The following GLOD4 variants were observed in gnomAD, a reference collection of about 807,000 sequenced individuals.
GLOD4 encodes the protein glyoxalase domain containing 4, also known as glyoxalase domain-containing protein 4.
In GLOD4, 44 loss-of-function variants were observed where a neutral mutation model predicts 39.1. The observed-to-expected ratio is 1.13, with a 90% CI of 0.88 to 1.45. The LOEUF is 1.45. Ranked by LOEUF, GLOD4 falls within the 40% of genes most tolerant of loss-of-function variation. The pLI is 0.00. For missense variants in GLOD4, 405 were observed against 366.4 expected (o/e 1.11, Z -0.86); for synonymous variants, 145 against 135.0 (o/e 1.07, Z -0.52).
chr17:780,515 G>T (rs557804525), intron 1 of GLOD4: 1 of 152,236 alleles, frequency 6.6e-6, no homozygotes, highest in East Asian at 1.9e-4. Context: ...TCTACCTGTG[G>T]ATATCCTATC....
chr17:759,880 C>T lies in GLOD4; in HGVS notation c.*293G>A, dbSNP rs1299023532. 2.9e-6 allele frequency: 1 copy of T among 344,266 alleles called. No individual in the cohort carries two copies. The highest frequency in any genetic ancestry group is 5.3e-6 in the Non-Finnish European group (1 of 189,460). The allele number at this position is 344,266 out of a possible 1,614,324, so 21.3% of individuals were successfully genotyped here. On this transcript the variant is annotated 3_prime_UTR_variant, in exon 9 of 9. Transcript: ENST00000301329. The stretch of plus-strand genomic sequence containing the variant: ...CCCAACCAAAGTCATGTTCATGCCG[C>T]TGTCCTAGTCTGGACAATCATCTGT...
rs2144238384 is a variant in GLOD4, at chr17:759,786, G to A, written c.*387C>T. On this transcript the variant is annotated 3_prime_UTR_variant, in exon 9 of 9. Transcript: ENST00000301329. ...AATGGCACCACGACAAGGCATTAAT[G>A]TGGATTCACTTGCACAGCTGCTCTC... 1.2e-5 allele frequency: 2 copies of A among 171,818 alleles called. No individual in the cohort carries two copies. The highest frequency in any genetic ancestry group is 2.6e-3 in the Middle Eastern group (1 of 392). 10.6% of individuals were successfully genotyped at this position (171,818 alleles called of 1,614,324 possible).
rs1422223235 is a variant in GLOD4 at position 776,897 on chromosome 17, C to T, written c.232G>A (p.Gly78Arg). The change falls in exon 3 of 9, where the codon GGA (glycine) becomes AGA (arginine). Residue 78 changes from glycine to arginine, a missense_variant. By Grantham distance (125) the Gly-to-Arg change is moderately radical (BLOSUM62 -2). Coordinates refer to ENST00000301329, the MANE Select transcript of GLOD4 (RefSeq NM_016080.4). ...AAGTCATTGCCAAGCTTGTAGTCTC[C>T]GACGCCATAATTGTAAGTCAGTTCT... ...VAELTYNYGV[G>R]DYKLGNDFMG... is the part of the protein sequence containing the mutation. The T allele has an allele frequency of 1.4e-5, 23 of 1,612,964 alleles. No individual in the cohort carries two copies. The highest frequency in any genetic ancestry group is 2.7e-5 in the African/African-American group (2 of 74,890).
intron 8 of GLOD4, among the ~76,000 whole-genome samples, chr17:767,422 C>A (rs1347320294): frequency 6.6e-6 from 1 of 152,176 alleles, no homozygotes; most frequent in Non-Finnish European, 1.5e-5. Context: ...GCAAAACAGA[C>A]TGAAGTGAAA....
Position 782,228 on chromosome 17 carries a change from C to G in GLOD4, c.28G>C (p.Val10Leu), listed in dbSNP as rs900766500. MAARRALHFVFKVGNRFQTA... is the reference protein window; with the variant it reads MAARRALHFLFKVGNRFQTA... ...TGGAAGCGGTTTCCCACTTTGAATA[C>G]GAAGTGCAGAGCTCTGCGAGCAGCC... Residue 10 changes from valine to leucine, a missense_variant, in exon 1 of 9, where the codon GTA (valine) becomes CTA (leucine). Physicochemically the swap from Val to Leu is conservative, Grantham distance 32 (BLOSUM62 1). Transcript: ENST00000301329. 2 of 1,613,402 alleles carry G rather than the reference C, an allele frequency of 1.2e-6. No homozygotes were observed. The highest frequency in any genetic ancestry group is 1.7e-6 in the Non-Finnish European group (2 of 1,179,738).
At chr17:775,340 T>C (rs1908723999) in intron 4 of GLOD4, among the ~76,000 whole-genome samples, 1 of 151,998 alleles carries the variant, frequency 6.6e-6, no homozygotes, top group South Asian at 2.1e-4. Flanking sequence ...CACCTGCTCC[T>C]GGCAGCTCTC....
upstream of GLOD4, among the ~76,000 whole-genome samples, chr17:784,590 C>T (rs1298345473): frequency 3.9e-5 from 6 of 152,044 alleles, no homozygotes. Context: ...CAGTGGCCAA[C>T]CCATCTTGAA....
chr17:771,352 CCTTTG>C lies in GLOD4; in HGVS notation c.511_515del (p.Gln171GlyfsTer7). 2 of 1,601,576 alleles carry C rather than the reference CCTTTG, an allele frequency of 1.2e-6. No homozygotes were observed. The highest frequency in any genetic ancestry group is 1.7e-6 in the Non-Finnish European group (2 of 1,171,570). On this transcript the variant is annotated frameshift_variant, in exon 5 of 9. Transcript: ENST00000301329. LOFTEE classifies it high-confidence loss of function. ...GGTTATCAGCATAGCCCAGCAAAGCCCTTTGCTTTTCTTCATCTTTTTCATAAATT... is the reference window on the plus strand; with the variant it reads ...GGTTATCAGCATAGCCCAGCAAAGCCCTTTTCTTCATCTTTTTCATAAATT...
intron 4 of GLOD4, among the ~76,000 whole-genome samples, chr17:772,811 C>T (rs1288296355): frequency 4.6e-5 from 7 of 151,918 alleles, no homozygotes; most frequent in South Asian, 2.1e-4. Context: ...CTGGCTAACA[C>T]GGTGAAACCC....
At chr17:771,104 T>C (rs1907875631) in intron 5 of GLOD4, 3 of 360,942 alleles carry the variant, frequency 8.3e-6, no homozygotes, top group Non-Finnish European at 1.5e-5. Context: ...GCAATTCCAC[T>C]TCTGAAGAGA....
At chr17:768,144 G>A (rs1390962328) in intron 8 of GLOD4, among the ~76,000 whole-genome samples, 1 of 149,594 alleles carries the variant, frequency 6.7e-6, no homozygotes, top group African/African-American at 2.5e-5. Context: ...CAGATTTTTA[G>A]AAGAAATCTG....
At chr17:764,392 G>C (rs535704763) in intron 8 of GLOD4, 1 of 152,356 alleles carries the variant, frequency 6.6e-6, no homozygotes, top group Non-Finnish European at 1.5e-5. Flanking sequence ...AAGTGTTGGT[G>C]AGAATGTAGA....
chr17:769,170 C>T (rs1230292073), intron 8 of GLOD4, among the ~76,000 whole-genome samples: 1 of 151,882 alleles, frequency 6.6e-6, no homozygotes, highest in Non-Finnish European at 1.5e-5. Context: ...CTGGGGAGAG[C>T]TGAGGGGAAC....
intron 8 of GLOD4, chr17:764,685 G>A (rs959538538): frequency 1.3e-5 from 2 of 152,198 alleles, no homozygotes; most frequent in South Asian, 4.2e-4. Context: ...AAAGAGCTGT[G>A]ATATGCAATT....
upstream of GLOD4, among the ~76,000 whole-genome samples, chr17:784,875 T>C (rs548978246): frequency 2.0e-5 from 3 of 152,304 alleles, no homozygotes; most frequent in Middle Eastern, 6.8e-3. Flanking sequence ...GGAGGCTCTC[T>C]CACAGCACAC....
At chr17:762,533 A>C (rs1025827945) in intron 8 of GLOD4, among the ~76,000 whole-genome samples, 2 of 138,178 alleles carry the variant, frequency 1.4e-5, no homozygotes, top group Non-Finnish European at 3.2e-5. Context: ...GAAGGGGAAT[A>C]ATTTCATCAC....
At chr17:763,043 G>A (rs1373890787) in intron 8 of GLOD4, among the ~76,000 whole-genome samples, 1 of 152,070 alleles carries the variant, frequency 6.6e-6, no homozygotes, top group Non-Finnish European at 1.5e-5. Context: ...CAGGTGTGGT[G>A]GTGGGCGCCT....
At chr17:783,671 A>G (rs1490978582), upstream of GLOD4, among the ~76,000 whole-genome samples, 2 of 152,192 alleles carry the variant, frequency 1.3e-5, no homozygotes, top group Non-Finnish European at 2.9e-5. Context: ...GAGACCTAGG[A>G]TTAATTTCTC....
intron 8 of GLOD4, among the ~76,000 whole-genome samples, chr17:768,480 G>A (rs1471292974): frequency 6.8e-6 from 1 of 147,882 alleles, no homozygotes; most frequent in Admixed American, 6.8e-5. Context: ...ATTTTTAGAA[G>A]AAATCTGGAG....
Sources: gnomAD v4.1 joint callset for allele counts (sites outside exome capture counted in the v4.1 genomes callset) on GRCh38, gnomAD v4.1.1 for gene constraint, MANE v1.5 for transcripts, NCBI Gene and HGNC (gene_info 2026-07-23, HGNC 2026-07-21) for gene names.